MAN1B1: variants seen among roughly 807,000 people sequenced by gnomAD.
The protein encoded by MAN1B1 is mannosidase alpha class 1B member 1, also known as endoplasmic reticulum mannosyl-oligosaccharide 1,2-alpha-mannosidase.
Under a neutral mutation model 75.5 loss-of-function variants are expected in MAN1B1, and 66 were observed. The observed-to-expected ratio is 0.87, with a 90% CI of 0.72 to 1.07. The LOEUF (loss-of-function observed/expected upper bound fraction) is 1.07. Ranked by LOEUF, MAN1B1 falls within the 50% of genes least tolerant of loss-of-function variation. The probability of loss-of-function intolerance (pLI) is 0.00; values close to 1 mark genes in which losing one functional copy is unlikely to be tolerated. For synonymous variants in MAN1B1, 453 were observed against 382.8 expected (o/e 1.18, Z -2.14); for missense variants, 973 against 912.5 (o/e 1.07, Z -0.85).
At chr9:137,097,102 G>A (rs1432399761) in intron 4 of MAN1B1, among the ~76,000 whole-genome samples, 1 of 152,196 alleles carries the variant, frequency 6.6e-6, no homozygotes. Flanking sequence ...GCATGTGAGG[G>A]GTCCTCACGG....
At chr9:137,100,945 A>G in intron 6 of MAN1B1, 60 bp from the exon 7 acceptor site, 6 of 1,594,364 alleles carry the variant, frequency 3.8e-6, no homozygotes, top group Non-Finnish European at 8.6e-7. Flanking sequence ...ATGGATAGAT[A>G]ATAGGAAAAC....
chr9:137,091,561 C>G (rs1313674942), intron 3 of MAN1B1, among the ~76,000 whole-genome samples: 1 of 118,502 alleles, frequency 8.4e-6, no homozygotes, highest in Non-Finnish European at 1.7e-5. Context: ...GAGTCTTCCT[C>G]TGTTTCCCAG....
chr9:137,096,532 T>TTA, intron 4 of MAN1B1, 141 bp downstream of exon 4: 1 of 1,214,644 alleles, frequency 8.2e-7, no homozygotes, highest in Non-Finnish European at 1.2e-6. Flanking sequence ...CTCATTAACC[T>TTA]TAGATTACAG....
At position 137,106,166 on chromosome 9, in the gene MAN1B1, TG is replaced by T; in HGVS notation, c.1299del (p.Lys434ArgfsTer37). On this transcript the variant is annotated frameshift_variant, in exon 9 of 13. Transcript: ENST00000371589. LOFTEE classifies it high-confidence loss of function. ...KVTQHIHGLS[G>X]KKDGLVPMFI... Reference sequence around the variant, plus strand: ...TGACACAGCACATCCACGGCCTGTCTGGGAAGAAGGATGGGCTGGTGCCCAT... The same window carrying T: ...TGACACAGCACATCCACGGCCTGTCTGGAAGAAGGATGGGCTGGTGCCCAT... 1.9e-6 allele frequency: 3 copies of T among 1,612,976 alleles called. No homozygotes were observed. Among genetic ancestry groups the T allele is most frequent in the Non-Finnish European group, 2.5e-6 (3 of 1,179,902 alleles).
intron 3 of MAN1B1, among the ~76,000 whole-genome samples, chr9:137,095,556 A>C (rs1830629410): frequency 6.6e-6 from 1 of 152,122 alleles, no homozygotes; most frequent in Non-Finnish European, 1.5e-5. Context: ...CTGTCTCTAT[A>C]GTAATAATAA....
intron 3 of MAN1B1, among the ~76,000 whole-genome samples, chr9:137,092,622 ATTAAGAG>A (rs1449749286): frequency 6.6e-6 from 1 of 152,206 alleles, no homozygotes; most frequent in African/African-American, 2.4e-5. Flanking sequence ...TACGTAAACT[ATTAAGAG>A]TTAAAGGTTG....
intron 6 of MAN1B1, 57 bp from the exon 7 acceptor site, chr9:137,100,948 A>G (rs1264513986): frequency 1.6e-5 from 25 of 1,599,324 alleles, no homozygotes; most frequent in Non-Finnish European, 1.9e-5. Flanking sequence ...GATAGATAAT[A>G]GGAAAACGTT....
At chr9:137,094,775 G>A (rs1173386668) in intron 3 of MAN1B1, among the ~76,000 whole-genome samples, 2 of 152,056 alleles carry the variant, frequency 1.3e-5, no homozygotes, top group African/African-American at 2.4e-5. Flanking sequence ...AGCTACTCAG[G>A]AGTCTGAGGC....
intron 8 of MAN1B1, chr9:137,102,081 T>A (rs980995756): frequency 5.2e-5 from 20 of 387,252 alleles, no homozygotes; most frequent in African/African-American, 5.1e-4. Flanking sequence ...AGGTCGGTGG[T>A]GTTACATGCT....
rs200441545 is a variant in MAN1B1 at position 137,106,325 on chromosome 9, G to A, written c.1445+10G>A. The A allele has an allele frequency of 1.3e-4, 201 of 1,545,792 alleles. 1 individual carries two copies. In the East Asian group the frequency reaches 2.6e-3, roughly 20 times the overall value. ...GGAAGCAGGAGACACAGTGAGGCCC[G>A]GCCCGCTGCCCCCAGCTCCCGCGGC... On this transcript the variant is annotated intron_variant, in intron 9 of 12. Transcript: ENST00000371589.
chr9:137,095,787 G>A (rs947933805), intron 3 of MAN1B1, among the ~76,000 whole-genome samples: 3 of 152,144 alleles, frequency 2.0e-5, no homozygotes, highest in African/African-American at 7.2e-5. Flanking sequence ...TAGAAGGCCC[G>A]CATCACACAG....
In MAN1B1 at chr9:137,088,183, G is replaced by A; in HGVS notation, c.328G>A (p.Ala110Thr). 6.2e-7 allele frequency: 1 copy of A among 1,614,106 alleles called. No individual in the cohort carries two copies. Among genetic ancestry groups the A allele is most frequent in the Non-Finnish European group, 8.5e-7 (1 of 1,180,008 alleles). Residue 110 changes from alanine to threonine, a missense_variant and splice_region_variant, in exon 2 of 13, where the codon GCT becomes ACT. By Grantham distance (58) the Ala-to-Thr change is moderately conservative (BLOSUM62 0). Transcript: ENST00000371589. ...FYINLADHWK[A>T]LAFRLEEEQK... ...CATCAACTTGGCTGACCATTGGAAA[G>A]GTATCAGAAACACGTGTACTTGAAA...
At chr9:137,101,930 CAT>C (rs1280366156) in intron 8 of MAN1B1, 1 of 572,664 alleles carries the variant, frequency 1.7e-6, no homozygotes, top group East Asian at 3.3e-5. Flanking sequence ...GTGTTACACA[CAT>C]TTGGGCTGTT....
At chr9:137,088,575 CTT>C in intron 2 of MAN1B1, 1 of 794,390 alleles carries the variant, frequency 1.3e-6, no homozygotes, top group South Asian at 1.6e-5. Context: ...AGATGCTTCT[CTT>C]TGGAGCAAAG....
chr9:137,087,965 G>C, intron 1 of MAN1B1, 110 bp from the exon 2 acceptor site: 1 of 911,682 alleles, frequency 1.1e-6, no homozygotes, highest in South Asian at 1.3e-5. Context: ...AAATAGAGCT[G>C]AACACTGGAT....
Position 137,101,469 on chromosome 9 carries a change from C to T in MAN1B1, c.1066-15C>T, listed in dbSNP as rs371953096. 4 of 1,613,436 alleles carry T rather than the reference C, an allele frequency of 2.5e-6. No individual in the cohort carries two copies. Among genetic ancestry groups the T allele is most frequent in the Non-Finnish European group, 2.5e-6 (3 of 1,179,838 alleles). On this transcript the variant is annotated splice_polypyrimidine_tract_variant and intron_variant, in intron 7 of 12. Coordinates refer to ENST00000371589, the MANE Select transcript of MAN1B1 (RefSeq NM_016219.5). ...GTGACCTGAACGTTGGTTCTCTACTCTGCTCATATACCAGGAGGATTTTGG... is the reference window on the plus strand; with the variant it reads ...GTGACCTGAACGTTGGTTCTCTACTTTGCTCATATACCAGGAGGATTTTGG...
At chr9:137,103,094 G>A (rs1830935719) in intron 8 of MAN1B1, 1 of 451,180 alleles carries the variant, frequency 2.2e-6, no homozygotes, top group South Asian at 1.6e-5. Context: ...CAGGCGTGCA[G>A]GTCGGTGGTG....
chr9:137,108,613 G>A lies in MAN1B1; in HGVS notation c.*22G>A. 1 of 1,611,956 alleles carries A rather than the reference G, an allele frequency of 6.2e-7. No individual in the cohort carries two copies. Among genetic ancestry groups the A allele is most frequent in the African/African-American group, 1.3e-5 (1 of 75,018 alleles). On this transcript the variant is annotated 3_prime_UTR_variant, in exon 13 of 13. Transcript: ENST00000371589. ...CTAGGGTGGATGGCTGCTGGTGTGG[G>A]GACTTCGGGTGGGCAGAGGCACCTT...
intron 8 of MAN1B1, chr9:137,104,696 G>T (rs1831030706): frequency 6.2e-6 from 1 of 160,130 alleles, no homozygotes; most frequent in Non-Finnish European, 1.4e-5. Context: ...TGCTGTTTTG[G>T]TTGCTGTAAG....
Sources: gnomAD v4.1 joint callset for allele counts (sites outside exome capture counted in the v4.1 genomes callset) on GRCh38, gnomAD v4.1.1 for gene constraint, MANE v1.5 for transcripts, NCBI Gene and HGNC (gene_info 2026-07-23, HGNC 2026-07-21) for gene names.